The following RGS20 variants were observed in gnomAD, a reference collection of about 807,000 sequenced individuals.
The protein encoded by RGS20 is gz-selective GTPase-activating protein.
In RGS20, 30 loss-of-function variants were observed where a neutral mutation model predicts 33.6. The observed-to-expected ratio is 0.89, with a 90% CI of 0.67 to 1.21. The LOEUF is 1.21. Ranked by LOEUF, RGS20 falls within the 50% of genes most tolerant of loss-of-function variation. The probability of loss-of-function intolerance (pLI) is 0.00; values close to 1 mark genes in which losing one functional copy is unlikely to be tolerated. For synonymous variants in RGS20, 208 were observed against 197.9 expected (o/e 1.05, Z -0.43); for missense variants, 472 against 502.4 (o/e 0.94, Z 0.58).
chr8:53,944,539 A>G (rs1164960306), intron 3 of RGS20, among the ~76,000 whole-genome samples: 2 of 140,710 alleles, frequency 1.4e-5, no homozygotes, highest in African/African-American at 5.9e-5. Context: ...CCCCGTCTCA[A>G]AAAAAAAAAA....
chr8:53,943,626 C>G (rs1814372817), intron 3 of RGS20, among the ~76,000 whole-genome samples: 1 of 152,116 alleles, frequency 6.6e-6, no homozygotes, highest in Non-Finnish European at 1.5e-5. Flanking sequence ...TTCTCTTTTT[C>G]AAAACCACAT....
chr8:53,864,593 A>G lies in RGS20; in HGVS notation c.165+12529A>G, dbSNP rs1025530635. On this transcript the variant is annotated intron_variant, in intron 1 of 5. Coordinates refer to ENST00000297313, the MANE Select transcript of RGS20 (RefSeq NM_170587.4). ...TTTCTCCCATAATAGTTGTTAATCT[A>G]GTTATCTCCATCTGCAGATGGACCT... Among the ~76,000 whole-genome samples the G allele has an allele frequency of 3.3e-5, 5 of 152,092 alleles. 1 individual carries two copies. Among genetic ancestry groups the G allele is most frequent in the Non-Finnish European group, 7.4e-5 (5 of 68,026 alleles).
chr8:53,891,083 C>A (rs1223690661), intron 2 of RGS20, among the ~76,000 whole-genome samples: 1 of 152,140 alleles, frequency 6.6e-6, no homozygotes, highest in East Asian at 1.9e-4. Flanking sequence ...TTGAGGAAGT[C>A]CTTGTTACTG....
At chr8:53,922,469 TGATTG>T (rs1813676090) in intron 2 of RGS20, among the ~76,000 whole-genome samples, 1 of 152,194 alleles carries the variant, frequency 6.6e-6, no homozygotes, top group South Asian at 2.1e-4. Context: ...CTCTATCTTT[TGATTG>T]GATTGTTTAA....
At chr8:53,853,881 T>C (rs1811618995) in intron 1 of RGS20, among the ~76,000 whole-genome samples, 1 of 152,200 alleles carries the variant, frequency 6.6e-6, no homozygotes, top group Non-Finnish European at 1.5e-5. Context: ...ATGATCACTA[T>C]GGGGTAAGAC....
chr8:53,861,295 A>G (rs770670231), intron 1 of RGS20, among the ~76,000 whole-genome samples: 1 of 152,206 alleles, frequency 6.6e-6, no homozygotes. Flanking sequence ...CTCAGCCCCT[A>G]GGGGACACAA....
intron 2 of RGS20, among the ~76,000 whole-genome samples, chr8:53,889,499 T>C (rs932718543): frequency 7.4e-6 from 1 of 135,830 alleles, no homozygotes; most frequent in African/African-American, 2.7e-5. Flanking sequence ...AGTGGCACAA[T>C]TAGCCGTGAA....
In RGS20 at chr8:53,905,064, G is replaced by T. The variant is rs535473846; in HGVS notation, c.510+25462G>T. On this transcript the variant is annotated intron_variant, in intron 2 of 5. Transcript: ENST00000297313. ...AAAAGTGTAAAGATTTCCATGATAA[G>T]TCACTGAAAAACAGATGGTAAGATG... Among the ~76,000 whole-genome samples the T allele has an allele frequency of 3.3e-5, 5 of 152,292 alleles. No homozygotes were observed. The East Asian group carries it at 9.6e-4, about 29-fold the overall frequency.
Position 53,916,479 on chromosome 8 carries a change from GAT to G in RGS20, c.511-23095_511-23094del, listed in dbSNP as rs1424717299. Reference sequence around the variant, plus strand: ...AATTTTTTTGCAACGGTCTGTGAGAGATAAGCTCTCTGAGTCTTATCTCAGAG... The same window carrying G: ...AATTTTTTTGCAACGGTCTGTGAGAGAAGCTCTCTGAGTCTTATCTCAGAG... On this transcript the variant is annotated intron_variant, in intron 2 of 5. Transcript: ENST00000297313. Among the ~76,000 whole-genome samples, 4 of 152,180 alleles carry G rather than the reference GAT, an allele frequency of 2.6e-5. No individual in the cohort carries two copies. In the East Asian group the frequency reaches 7.7e-4, roughly 29 times the overall value.
intron 3 of RGS20, among the ~76,000 whole-genome samples, chr8:53,945,767 T>C (rs1297832529): frequency 4.6e-5 from 7 of 151,986 alleles, no homozygotes; most frequent in African/African-American, 1.7e-4. Context: ...GCCGGGCGTG[T>C]TGGCACATGC....
At chr8:53,873,018 C>A (rs1054663507) in intron 1 of RGS20, among the ~76,000 whole-genome samples, 1 of 152,002 alleles carries the variant, frequency 6.6e-6, no homozygotes, top group African/African-American at 2.4e-5. Context: ...TGGTAGGAGG[C>A]GATTGAGTCA....
At chr8:53,863,843 C>T (rs1420671456) in intron 1 of RGS20, among the ~76,000 whole-genome samples, 1 of 150,866 alleles carries the variant, frequency 6.6e-6, no homozygotes, top group Non-Finnish European at 1.5e-5. Flanking sequence ...TCTCCTGTCT[C>T]AGCCTCCCAA....
chr8:53,856,232 T>C (rs1333390918), intron 1 of RGS20, among the ~76,000 whole-genome samples: 1 of 151,666 alleles, frequency 6.6e-6, no homozygotes, highest in African/African-American at 2.4e-5. Flanking sequence ...TTTTTTTTTT[T>C]TGAGACTCAG....
intron 2 of RGS20, among the ~76,000 whole-genome samples, chr8:53,921,442 C>CTT (rs879442015): frequency 9.6e-5 from 12 of 125,246 alleles, no homozygotes; most frequent in Admixed American, 1.6e-4. Context: ...CTGAGCTTTT[C>CTT]TTTTTTTTTT....
chr8:53,954,067 T>G lies in RGS20; in HGVS notation c.744-9T>G. The G allele has an allele frequency of 6.2e-7, 1 of 1,602,936 alleles. No homozygotes were observed. Among genetic ancestry groups the G allele is most frequent in the Non-Finnish European group, 8.5e-7 (1 of 1,169,972 alleles). ...CCCTTTTGCCCCCTCTCTTTTGGTCTCCACGAAGCCCTGCTCCTACTCTGG... is the reference window on the plus strand; with the variant it reads ...CCCTTTTGCCCCCTCTCTTTTGGTCGCCACGAAGCCCTGCTCCTACTCTGG... On this transcript the variant is annotated splice_polypyrimidine_tract_variant and intron_variant, in intron 4 of 5. Coordinates refer to ENST00000297313, the MANE Select transcript of RGS20 (RefSeq NM_170587.4).
chr8:53,943,942 A>C (rs1814383066), intron 3 of RGS20, among the ~76,000 whole-genome samples: 1 of 152,008 alleles, frequency 6.6e-6, no homozygotes, highest in African/African-American at 2.4e-5. Context: ...GAAAGAAAGA[A>C]GTCAAAAGGG....
At chr8:53,957,900 A>G (rs1280180981) in intron 5 of RGS20, among the ~76,000 whole-genome samples, 12 of 152,180 alleles carry the variant, frequency 7.9e-5, no homozygotes. Flanking sequence ...TAATCCCAGC[A>G]GCTAGAGAGG....
intron 2 of RGS20, among the ~76,000 whole-genome samples, chr8:53,932,306 G>A (rs1682548360): frequency 6.6e-6 from 1 of 152,166 alleles, no homozygotes; most frequent in African/African-American, 2.4e-5. Flanking sequence ...AAAGGGGGCT[G>A]AAGCCAGGGA....
chr8:53,874,061 G>C (rs187464836), intron 1 of RGS20, among the ~76,000 whole-genome samples: 2 of 152,034 alleles, frequency 1.3e-5, no homozygotes, highest in Non-Finnish European at 2.9e-5. Flanking sequence ...TTAGTTGGGC[G>C]TCATGGCACA....
Sources: gnomAD v4.1 joint callset for allele counts (sites outside exome capture counted in the v4.1 genomes callset) on GRCh38, gnomAD v4.1.1 for gene constraint, MANE v1.5 for transcripts, NCBI Gene and HGNC (gene_info 2026-07-23, HGNC 2026-07-21) for gene names.